The following TUBGCP3 variants were observed in gnomAD, a reference collection of about 807,000 sequenced individuals.
TUBGCP3 encodes tubulin gamma complex component 3, also known as gamma-tubulin complex component 3.
TUBGCP3 carries 50 observed loss-of-function variants against 123.1 expected under a neutral mutation model. That is an observed-to-expected ratio of 0.41 (90% CI 0.32 to 0.51). The LOEUF (loss-of-function observed/expected upper bound fraction) is 0.51. Among genes scored for constraint, TUBGCP3 ranks in the 20% least tolerant of loss-of-function variants. TUBGCP3 has a pLI of 0.36. For synonymous variants in TUBGCP3, 405 were observed against 413.9 expected (o/e 0.98, Z 0.26); for missense variants, 882 against 1,127.0 (o/e 0.78, Z 3.11).
rs2139097788 is a variant in TUBGCP3, at chr13:112,528,684, C to A, written c.1336-1200G>T. 1.3e-5 allele frequency among the ~76,000 whole-genome samples: 2 copies of A among 151,978 alleles called. 1 individual carries two copies. Among genetic ancestry groups the A allele is most frequent in the South Asian group, 4.2e-4 (2 of 4,804 alleles). The stretch of plus-strand genomic sequence containing the variant: ...ATTTGCCATTGTTTATAGTATGGTC[C>A]ATATTTTAGTTCTGATCTATTTTTT... On this transcript the variant is annotated intron_variant, in intron 11 of 21. Transcript: ENST00000261965.
chr13:112,524,441 G>C lies in TUBGCP3; in HGVS notation c.1556-1932C>G, dbSNP rs574255835. Among the ~76,000 whole-genome samples, 1 of 152,176 alleles carries C rather than the reference G, an allele frequency of 6.6e-6. No individual in the cohort carries two copies. The highest frequency in any genetic ancestry group is 1.5e-5 in the Non-Finnish European group (1 of 68,034). ...TCCGGCACAGCAGGCGCATGGGGAC[G>C]CCCTGTCCCAGGCACAGCCCATGTG... On this transcript the variant is annotated intron_variant, in intron 13 of 21. Coordinates refer to ENST00000261965, the MANE Select transcript of TUBGCP3 (RefSeq NM_006322.6). The surrounding 1 kb of genome is among the most constrained non-coding windows in gnomAD (Gnocchi z 4.4).
chr13:112,514,620 C>T (rs1875923129), intron 17 of TUBGCP3, among the ~76,000 whole-genome samples: 1 of 152,136 alleles, frequency 6.6e-6, no homozygotes, highest in African/African-American at 2.4e-5. Flanking sequence ...TTAACAAAAA[C>T]AGTGATACAG....
At position 112,545,472 on chromosome 13, in the gene TUBGCP3, A is replaced by C; in HGVS notation, c.1335+227T>G. ...ACGAGTGATTCCACCTTGCTGAGGA[A>C]TAAACTGGGACAATTCTCCACTAAC... On this transcript the variant is annotated intron_variant, in intron 11 of 21. Coordinates refer to ENST00000261965, the MANE Select transcript of TUBGCP3 (RefSeq NM_006322.6). The surrounding 1 kb of genome is among the most constrained non-coding windows in gnomAD (Gnocchi z 4.1). 2 of 473,668 alleles carry C rather than the reference A, an allele frequency of 4.2e-6. No homozygotes were observed. The highest frequency in any genetic ancestry group is 7.5e-6 in the Non-Finnish European group (2 of 266,198). The allele number at this position is 473,668 out of a possible 1,614,324, so 29.3% of individuals were successfully genotyped here.
chr13:112,584,545 C>T (rs2139337015), intron 1 of TUBGCP3, among the ~76,000 whole-genome samples: 1 of 152,316 alleles, frequency 6.6e-6, no homozygotes, highest in South Asian at 2.1e-4. Context: ...CCAATAGCAA[C>T]ACCACTTGTG....
chr13:112,554,121 T>C lies in TUBGCP3; in HGVS notation c.902A>G (p.His301Arg), dbSNP rs1252068354. The C allele has an allele frequency of 1.2e-6, 2 of 1,614,220 alleles. No individual in the cohort carries two copies. The highest frequency in any genetic ancestry group is 8.5e-7 in the Non-Finnish European group (1 of 1,180,042). Residue 301 changes from histidine to arginine, a missense_variant, in exon 8 of 22, where the codon CAT becomes CGT. By Grantham distance (29) the His-to-Arg change is conservative. Coordinates refer to ENST00000261965, the MANE Select transcript of TUBGCP3 (RefSeq NM_006322.6). ...GTCCGTGTATCTTCTGATTTTATTA[T>C]GCAACCATCCCAACTCAGAAAGCCT... Reference protein sequence around the residue: ...AVRLSELGWLHNKIRRYTDQR... With the variant: ...AVRLSELGWLRNKIRRYTDQR...
rs75424315 is a variant in TUBGCP3 at position 112,509,609 on chromosome 13, A to G, written c.2087-4895T>C. On this transcript the variant is annotated intron_variant, in intron 17 of 21. Coordinates refer to ENST00000261965, the MANE Select transcript of TUBGCP3 (RefSeq NM_006322.6). Reference sequence around the variant, plus strand: ...AAAATCATCTTTTATTGTGTCTACAATGAGTACGGAGGACAGTATCTTCAA... The same window carrying G: ...AAAATCATCTTTTATTGTGTCTACAGTGAGTACGGAGGACAGTATCTTCAA... Among the ~76,000 whole-genome samples, 19 of 152,368 alleles carry G rather than the reference A, an allele frequency of 1.2e-4. No homozygotes were observed. The East Asian group carries it at 2.5e-3, about 20-fold the overall frequency.
At chr13:112,562,646 T>C (rs1880607193) in intron 3 of TUBGCP3, among the ~76,000 whole-genome samples, 1 of 151,988 alleles carries the variant, frequency 6.6e-6, no homozygotes, top group Non-Finnish European at 1.5e-5. Flanking sequence ...AGAGGAGAGA[T>C]CTGGCAGAGG....
chr13:112,531,885 GTTCT>G (rs1566556146), intron 11 of TUBGCP3, among the ~76,000 whole-genome samples: 1 of 152,024 alleles, frequency 6.6e-6, no homozygotes, highest in African/African-American at 2.4e-5. Flanking sequence ...TCCACTCAAG[GTTCT>G]TTAATTTTCA....
chr13:112,540,440 C>CT (rs1878422961), intron 11 of TUBGCP3, among the ~76,000 whole-genome samples: 1 of 144,026 alleles, frequency 6.9e-6, no homozygotes, highest in Admixed American at 6.8e-5. Flanking sequence ...GAAAGGACAC[C>CT]TGGGAATGAG....
intron 8 of TUBGCP3, among the ~76,000 whole-genome samples, chr13:112,551,621 C>T (rs560495348): frequency 6.6e-6 from 1 of 152,162 alleles, no homozygotes; most frequent in African/African-American, 2.4e-5. Context: ...CACGTCACAC[C>T]CTAGTCCATA....
intron 17 of TUBGCP3, among the ~76,000 whole-genome samples, chr13:112,505,790 A>C (rs1229795149): frequency 1.3e-5 from 2 of 152,206 alleles, no homozygotes; most frequent in East Asian, 3.9e-4. Context: ...CGCTGTCTGA[A>C]GGCACAGATT....
At chr13:112,547,843 T>A in intron 9 of TUBGCP3, 91 bp from the exon 10 acceptor site, 1 of 1,323,038 alleles carries the variant, frequency 7.6e-7, no homozygotes. Context: ...AAGAAAATGA[T>A]TATACTCATA....
At chr13:112,560,416 C>G (rs1407929692) in intron 3 of TUBGCP3, among the ~76,000 whole-genome samples, 1 of 149,646 alleles carries the variant, frequency 6.7e-6, no homozygotes, top group East Asian at 2.0e-4. Context: ...GGCGACAGAG[C>G]GAGACTCCGT....
intron 1 of TUBGCP3, among the ~76,000 whole-genome samples, chr13:112,584,712 C>T (rs1478099950): frequency 6.6e-6 from 1 of 152,172 alleles, no homozygotes; most frequent in Non-Finnish European, 1.5e-5. Context: ...ATATAAATTC[C>T]TCTTTATGTA....
rs1881701345 is a variant in TUBGCP3, at chr13:112,511,986, G to A, written c.2086+4454C>T. On this transcript the variant is annotated intron_variant, in intron 17 of 21. Coordinates refer to ENST00000261965, the MANE Select transcript of TUBGCP3 (RefSeq NM_006322.6). The surrounding 1 kb of genome is among the most constrained non-coding windows in gnomAD (Gnocchi z 4.1). ...CTCTCGAAAGCACATTTCATTCAGT[G>A]GGATTAGAAAAGATAAAGGAAAACC... 6.6e-6 allele frequency among the ~76,000 whole-genome samples: 1 copy of A among 152,120 alleles called. No homozygotes were observed. The highest frequency in any genetic ancestry group is 1.5e-5 in the Non-Finnish European group (1 of 68,024).
Position 112,519,339 on chromosome 13 carries a change from C to G in TUBGCP3, c.1882-296G>C, listed in dbSNP as rs927353979. Among the ~76,000 whole-genome samples, 37 of 152,144 alleles carry G rather than the reference C, an allele frequency of 2.4e-4. No homozygotes were observed. Among genetic ancestry groups the G allele is most frequent in the African/African-American group, 8.9e-4 (37 of 41,414 alleles). On this transcript the variant is annotated intron_variant, in intron 15 of 21. Coordinates refer to ENST00000261965, the MANE Select transcript of TUBGCP3 (RefSeq NM_006322.6). The surrounding 1 kb of genome is among the most constrained non-coding windows in gnomAD (Gnocchi z 6.2). The stretch of plus-strand genomic sequence containing the variant: ...AAAACCCACTGCCTCTAAATATGTT[C>G]CAAATCTTTTTATTCCAAGATGACT...
intron 11 of TUBGCP3, among the ~76,000 whole-genome samples, chr13:112,531,010 A>G (rs1412472229): frequency 6.6e-6 from 1 of 152,262 alleles, no homozygotes; most frequent in Non-Finnish European, 1.5e-5. Context: ...TGCTACCAGT[A>G]AATTGTTGTT....
At chr13:112,597,280 T>C in the TUBGCP3 span, among the ~76,000 whole-genome samples, 1 of 152,258 alleles carries the variant, frequency 6.6e-6, no homozygotes, top group Non-Finnish European at 1.5e-5. Context: ...TTTAGGGATT[T>C]GTGCTCAGCT....
At chr13:112,520,100 A>G in intron 14 of TUBGCP3, 79 bp from the exon 15 acceptor site, 1 of 1,380,650 alleles carries the variant, frequency 7.2e-7, no homozygotes, top group East Asian at 2.5e-5. Context: ...AACTATTAAA[A>G]GTAAGAGTTC....
Sources: allele counts gnomAD v4.1 joint callset (sites outside exome capture counted in the v4.1 genomes callset), GRCh38; gene constraint gnomAD v4.1.1; non-coding constraint Gnocchi (gnomAD v3.1); transcripts MANE v1.5; gene names NCBI Gene and HGNC (gene_info 2026-07-23, HGNC 2026-07-21).